Variants in ADGRV1 observed in about 807,000 individuals in gnomAD.
ADGRV1 encodes adhesion G protein-coupled receptor V1, also known as G-protein coupled receptor 98.
Under a neutral mutation model 596.2 loss-of-function variants are expected in ADGRV1, and 359 were observed. The observed-to-expected ratio is 0.60, with a 90% CI of 0.55 to 0.66. The LOEUF (loss-of-function observed/expected upper bound fraction) is 0.66. Among genes scored for constraint, ADGRV1 ranks in the 30% least tolerant of loss-of-function variants. The pLI is 0.00. For synonymous variants in ADGRV1, 2,681 were observed against 2,679.2 expected, an observed-to-expected ratio of 1.00 and a Z score of -0.02; for missense variants, 7,274 against 7,575.6, an observed-to-expected ratio of 0.96 and a Z score of 1.48.
At position 91,159,578 on chromosome 5, in the gene ADGRV1, C is replaced by T. The variant is rs538920264; in HGVS notation, c.18803-4204C>T. ...TATTCGACTTTCTATGAGAAATCCA[C>T]ATTTCACTCTCAAAAAAGATGACAT... On this transcript the variant is annotated intron_variant, in intron 89 of 89. Transcript: ENST00000405460. Among the ~76,000 whole-genome samples the T allele has an allele frequency of 2.0e-5, 3 of 152,310 alleles. No homozygotes were observed. The East Asian group carries it at 5.8e-4, about 29-fold the overall frequency.
At chr5:90,587,957 A>AAACATTTAATTTTTATATATG (rs1229782613) in intron 1 of ADGRV1, among the ~76,000 whole-genome samples, 1 of 152,218 alleles carries the variant, frequency 6.6e-6, no homozygotes, top group Non-Finnish European at 1.5e-5. Flanking sequence ...CAAAATGTAT[A>AAACATTTAATTTTTATATATG]TTCTATAGCA....
intron 21 of ADGRV1, among the ~76,000 whole-genome samples, chr5:90,658,782 C>G (rs1318279848): frequency 1.3e-5 from 2 of 150,996 alleles, no homozygotes; most frequent in Non-Finnish European, 2.9e-5. Flanking sequence ...CAGCTTAATT[C>G]ATTAGGCTGT....
intron 59 of ADGRV1, among the ~76,000 whole-genome samples, chr5:90,767,034 T>G (rs1239467187): frequency 6.6e-6 from 1 of 152,164 alleles, no homozygotes; most frequent in Non-Finnish European, 1.5e-5. Flanking sequence ...CCTAAGTCTT[T>G]TTCTGGAAGG....
intron 85 of ADGRV1, among the ~76,000 whole-genome samples, chr5:90,996,404 A>G (rs1328257929): frequency 2.0e-5 from 3 of 152,192 alleles, no homozygotes; most frequent in Non-Finnish European, 4.4e-5. Context: ...ATCCTTGGCA[A>G]CTTCCACGTG....
chr5:90,926,346 C>G (rs1420793813), intron 83 of ADGRV1, among the ~76,000 whole-genome samples: 16 of 151,216 alleles, frequency 1.1e-4, no homozygotes, highest in Admixed American at 4.0e-4. Flanking sequence ...CAACTTCTTC[C>G]TAGTTTAGTC....
At chr5:90,743,372 G>A (rs976636607) in intron 50 of ADGRV1, among the ~76,000 whole-genome samples, 3 of 152,084 alleles carry the variant, frequency 2.0e-5, no homozygotes, top group African/African-American at 7.2e-5. Context: ...GTAAGGATAT[G>A]GGGCTTTCCG....
intron 87 of ADGRV1, among the ~76,000 whole-genome samples, chr5:91,109,694 C>T (rs1792197865): frequency 6.6e-6 from 1 of 152,146 alleles, no homozygotes; most frequent in Admixed American, 6.5e-5. Context: ...CAGATGGTAC[C>T]ATCCTGGGTC....
At chr5:90,575,353 A>G (rs1757064823) in intron 1 of ADGRV1, among the ~76,000 whole-genome samples, 2 of 152,130 alleles carry the variant, frequency 1.3e-5, no homozygotes, top group South Asian at 4.1e-4. Flanking sequence ...TCCCGGATTC[A>G]AGCAATTCTC....
At chr5:90,676,450 TG>T (rs1163989732) in intron 25 of ADGRV1, among the ~76,000 whole-genome samples, 1 of 152,212 alleles carries the variant, frequency 6.6e-6, no homozygotes, top group Non-Finnish European at 1.5e-5. Context: ...ATCCCTTTCT[TG>T]GTAAAAAGAA....
chr5:90,586,397 A>C lies in ADGRV1; in HGVS notation c.22+27480A>C, dbSNP rs144409338. 4.7e-3 allele frequency among the ~76,000 whole-genome samples: 718 copies of C among 152,286 alleles called. 1 individual carries two copies. The highest frequency in any genetic ancestry group is 0.016 in the African/African-American group (672 of 41,562). The stretch of plus-strand genomic sequence containing the variant: ...GAAAATGTCTTTTTATAGTTAATTT[A>C]TTCTAATTAAAATATAACTAAGTTG... On this transcript the variant is annotated intron_variant, in intron 1 of 89. Transcript: ENST00000405460.
chr5:90,714,386 C>A (rs565147499), intron 42 of ADGRV1, among the ~76,000 whole-genome samples: 1 of 151,380 alleles, frequency 6.6e-6, no homozygotes, highest in Non-Finnish European at 1.5e-5. Context: ...CAACACTTTG[C>A]CTCTTAAATA....
At chr5:90,586,757 G>A (rs532501859) in intron 1 of ADGRV1, among the ~76,000 whole-genome samples, 1 of 152,262 alleles carries the variant, frequency 6.6e-6, no homozygotes, top group East Asian at 1.9e-4. Context: ...GGGTTCAGGT[G>A]GTGACAGCTC....
chr5:90,832,196 T>C (rs1764584626), intron 77 of ADGRV1, among the ~76,000 whole-genome samples: 1 of 152,210 alleles, frequency 6.6e-6, no homozygotes, highest in East Asian at 1.9e-4. Flanking sequence ...CCATAGTGGT[T>C]GTACTAATTT....
At chr5:90,660,806 T>A (rs1372227068) in intron 21 of ADGRV1, among the ~76,000 whole-genome samples, 1 of 152,194 alleles carries the variant, frequency 6.6e-6, no homozygotes, top group Admixed American at 6.5e-5. Flanking sequence ...AAAGTAATAT[T>A]AAGGTTAAAA....
intron 85 of ADGRV1, among the ~76,000 whole-genome samples, chr5:90,986,577 A>T (rs2151054202): frequency 6.6e-6 from 1 of 152,292 alleles, no homozygotes; most frequent in African/African-American, 2.4e-5. Context: ...GTACACAAAC[A>T]TGCAAACACA....
At chr5:90,936,702 CT>C (rs1438014206) in intron 83 of ADGRV1, among the ~76,000 whole-genome samples, 1 of 152,026 alleles carries the variant, frequency 6.6e-6, no homozygotes, top group Non-Finnish European at 1.5e-5. Context: ...ACCGTAGCTG[CT>C]TTCCAACAAA....
intron 60 of ADGRV1, among the ~76,000 whole-genome samples, chr5:90,775,625 T>A (rs1184911625): frequency 6.6e-6 from 1 of 152,038 alleles, no homozygotes; most frequent in Non-Finnish European, 1.5e-5. Flanking sequence ...TACAGGCATG[T>A]GGCACTATGC....
chr5:91,150,078 T>G lies in ADGRV1; in HGVS notation c.18481T>G (p.Cys6161Gly), dbSNP rs774389775. The G allele has an allele frequency of 1.3e-6, 2 of 1,556,260 alleles. No homozygotes were observed. Among genetic ancestry groups the G allele is most frequent in the Admixed American group, 3.9e-5 (2 of 51,352 alleles). The change falls in exon 88 of 90, where the codon TGC becomes GGC. Residue 6161 changes from cysteine to glycine, a missense_variant. Coordinates refer to ENST00000405460, the MANE Select transcript of ADGRV1 (RefSeq NM_032119.4). The stretch of plus-strand genomic sequence containing the variant: ...TTTCATTTTACACAACCAAATGTGT[T>G]GCCCTATGAAGGCCAGTTACACTGT... ...VYFILHNQMC[C>G]PMKASYTVEM...
chr5:91,004,512 A>G (rs1782112146), intron 85 of ADGRV1, among the ~76,000 whole-genome samples: 2 of 152,128 alleles, frequency 1.3e-5, no homozygotes, highest in Admixed American at 1.3e-4. Context: ...GTGATAAACT[A>G]GAAGATTATG....
Sources: allele counts gnomAD v4.1 joint callset (sites outside exome capture counted in the v4.1 genomes callset), GRCh38; gene constraint gnomAD v4.1.1; transcripts MANE v1.5; gene names NCBI Gene and HGNC (gene_info 2026-07-23, HGNC 2026-07-21).